The following SMC1A variants were observed in gnomAD, a reference collection of about 807,000 sequenced individuals.
The protein encoded by SMC1A is structural maintenance of chromosomes protein 1A.
A neutral mutation model predicts 94.5 loss-of-function variants in SMC1A; 4 were observed. The observed-to-expected ratio is 0.04, with a 90% CI of 0.02 to 0.10. SMC1A has a LOEUF of 0.10. Ranked by LOEUF, SMC1A falls within the 10% of genes least tolerant of loss-of-function variation. The pLI is 1.00. For synonymous variants in SMC1A, 345 were observed against 347.7 expected (o/e 0.99, Z 0.09); for missense variants, 304 against 989.0 (o/e 0.31, Z 9.29).
intron 15 of SMC1A, among the ~76,000 whole-genome samples, chrX:53,403,132 A>G (rs1055850217): frequency 4.3e-5 from 4 of 93,306 alleles, no homozygotes; most frequent in Admixed American, 1.3e-4. Flanking sequence ...CAAGATTGAC[A>G]CTGCACTCCA....
chrX:53,379,206 G>A lies in SMC1A; in HGVS notation c.*897C>T. The A allele has an allele frequency of 8.8e-6, 1 of 113,739 alleles. No homozygotes were observed. The highest frequency in any genetic ancestry group is 1.9e-5 in the Non-Finnish European group (1 of 53,626). The allele number at this position is 113,739 out of a possible 1,213,427, so 9.4% of individuals were successfully genotyped here. ...CCATTTTACAGATGAGGAAACTGAG[G>A]CACAGAAGGTCAAATGACTTGCCCA... On this transcript the variant is annotated 3_prime_UTR_variant, in exon 25 of 25. Transcript: ENST00000322213.
Position 53,405,482 on chromosome X carries a change from G to A in SMC1A, c.1911+11C>T. The A allele has an allele frequency of 8.3e-7, 1 of 1,211,871 alleles. No individual in the cohort carries two copies. Among genetic ancestry groups the A allele is most frequent in the African/African-American group, 1.7e-5 (1 of 57,876 alleles). On this transcript the variant is annotated intron_variant, in intron 11 of 24. Coordinates refer to ENST00000322213, the MANE Select transcript of SMC1A (RefSeq NM_006306.4). ...CCTGTCCAGCTCCAGCCTGGGCAAG[G>A]GAATCCACACCTTGTGGCGCTGGTG...
chrX:53,381,000 C>T lies in SMC1A; in HGVS notation c.3507+18G>A. On this transcript the variant is annotated intron_variant, in intron 23 of 24. Coordinates refer to ENST00000322213, the MANE Select transcript of SMC1A (RefSeq NM_006306.4). ...ACCTGGGGGCATCCCTCCCAGGCCC[C>T]ACTTTCTTTGCACCCACCTTGCCAA... 1 of 1,196,110 alleles carries T rather than the reference C, an allele frequency of 8.4e-7. No homozygotes were observed. Among genetic ancestry groups the T allele is most frequent in the South Asian group, 1.8e-5 (1 of 56,594 alleles).
chrX:53,411,056 C>T (rs782651944), intron 7 of SMC1A, among the ~76,000 whole-genome samples: 1 of 108,615 alleles, frequency 9.2e-6, no homozygotes, highest in East Asian at 2.9e-4. Flanking sequence ...GGTCGCACCA[C>T]TGCACCTCAG....
At position 53,380,915 on chromosome X, in the gene SMC1A, G is replaced by A; in HGVS notation, c.3507+103C>T. 4 of 753,157 alleles carry A rather than the reference G, an allele frequency of 5.3e-6. No individual in the cohort carries two copies. The Admixed American group carries it at 9.0e-5, about 17-fold the overall frequency. 62.1% of individuals were successfully genotyped at this position (753,157 alleles called of 1,213,427 possible). On this transcript the variant is annotated intron_variant, in intron 23 of 24. Transcript: ENST00000322213. The stretch of plus-strand genomic sequence containing the variant: ...CTGGGCCCAGCCTCCCAGGCACAGA[G>A]AGCAGGCAGCAGGAACGGCTAGGGC...
At chrX:53,385,465 G>A (rs1556886389) in intron 19 of SMC1A, among the ~76,000 whole-genome samples, 3 of 107,644 alleles carry the variant, frequency 2.8e-5, no homozygotes, top group Admixed American at 1.0e-4. Flanking sequence ...TAGTAGAGAC[G>A]GGGTTTCACC....
rs1181698520 is a variant in SMC1A at position 53,385,437 on chromosome X, AT to A, written c.2974-2185del. On this transcript the variant is annotated intron_variant, in intron 19 of 24. Transcript: ENST00000322213. ...AGGAACCCGCCACCATGCCCGGCTA[AT>A]TTTTTTTTTGTATTTTTAGTAGAGA... 3.0e-3 allele frequency among the ~76,000 whole-genome samples: 311 copies of A among 103,795 alleles called. 1 individual carries two copies. The highest frequency in any genetic ancestry group is 0.01 in the African/African-American group (296 of 28,619). 90.1% of individuals were successfully genotyped at this position (103,795 alleles called of 115,157 possible).
intron 7 of SMC1A, 80 bp from the exon 8 acceptor site, chrX:53,409,583 G>T: frequency 1.3e-6 from 1 of 771,483 alleles, no homozygotes; most frequent in Non-Finnish European, 2.0e-6. Context: ...CACCCTTTAT[G>T]TGCCCACTCA....
intron 19 of SMC1A, among the ~76,000 whole-genome samples, chrX:53,391,536 G>A (rs2075629601): frequency 9.1e-6 from 1 of 110,378 alleles, no homozygotes; most frequent in Non-Finnish European, 1.9e-5. Context: ...AAACATTGAA[G>A]TTTCTTTTTT....
At chrX:53,411,645 A>G (rs1488985252) in intron 7 of SMC1A, 116 bp downstream of exon 7, 3 of 946,318 alleles carry the variant, frequency 3.2e-6, no homozygotes, top group Non-Finnish European at 4.5e-6. Flanking sequence ...ACTCTAATCC[A>G]AAATGCTTAG....
At chrX:53,416,302 CAAAA>C (rs781824156) in intron 1 of SMC1A, among the ~76,000 whole-genome samples, 158 of 58,069 alleles carry the variant, frequency 2.7e-3, no homozygotes, top group African/African-American at 9.6e-3. Context: ...GACTCCATCT[CAAAA>C]AAAAAAAATA....
Position 53,404,928 on chromosome X carries a change from A to T in SMC1A, c.2196+84T>A, listed in dbSNP as rs782459989. ...CAGGCTGGGAGGAGACGGGGAAGTG[A>T]AACAAGTTCCCCACCCCCAGAGAAA... On this transcript the variant is annotated intron_variant, in intron 13 of 24. Coordinates refer to ENST00000322213, the MANE Select transcript of SMC1A (RefSeq NM_006306.4). 12 of 1,089,470 alleles carry T rather than the reference A, an allele frequency of 1.1e-5. No homozygotes were observed. The East Asian group carries it at 3.9e-4, about 36-fold the overall frequency. 89.8% of individuals were successfully genotyped at this position (1,089,470 alleles called of 1,213,427 possible).
intron 1 of SMC1A, among the ~76,000 whole-genome samples, chrX:53,419,546 C>G (rs1303323807): frequency 9.3e-6 from 1 of 107,769 alleles, no homozygotes; most frequent in African/African-American, 3.4e-5. Flanking sequence ...AAAAAATAGG[C>G]CAGGCGCGGT....
intron 15 of SMC1A, among the ~76,000 whole-genome samples, chrX:53,402,635 C>T (rs1202772423): frequency 2.9e-5 from 3 of 103,802 alleles, no homozygotes; most frequent in Non-Finnish European, 5.9e-5. Flanking sequence ...GAGGCCAAGG[C>T]GGGTGGATCA....
Position 53,394,924 on chromosome X carries a change from G to A in SMC1A, c.2863-36C>T, listed in dbSNP as rs1556887799. 6 of 850,776 alleles carry A rather than the reference G, an allele frequency of 7.1e-6. No individual in the cohort carries two copies. In the South Asian group the frequency reaches 1.2e-4, roughly 17 times the overall value. The allele number at this position is 850,776 out of a possible 1,213,427, so 70.1% of individuals were successfully genotyped here. ...AACGGAGAGTCAAGTGGAGCAGACT[G>A]GCCATGAGAGTGCACCTCTATAGGG... On this transcript the variant is annotated intron_variant, in intron 18 of 24. Transcript: ENST00000322213.
chrX:53,418,362 T>C (rs1257429208), intron 1 of SMC1A, among the ~76,000 whole-genome samples: 2 of 111,699 alleles, frequency 1.8e-5, no homozygotes, highest in African/African-American at 6.5e-5. Context: ...CTCGAATTCC[T>C]GACCTCAAGT....
rs1556885530 is a variant in SMC1A, at chrX:53,378,724, G to T, written c.*1379C>A. On this transcript the variant is annotated 3_prime_UTR_variant, in exon 25 of 25. Coordinates refer to ENST00000322213, the MANE Select transcript of SMC1A (RefSeq NM_006306.4). Reference sequence around the variant, plus strand: ...TACAGATTGGAATTAAAGTGTGATGGTGTATGTGAATGAGTAAAGGCTGAG... The same window carrying T: ...TACAGATTGGAATTAAAGTGTGATGTTGTATGTGAATGAGTAAAGGCTGAG... The T allele has an allele frequency of 8.9e-6, 1 of 112,618 alleles. No individual in the cohort carries two copies. The highest frequency in any genetic ancestry group is 3.2e-5 in the African/African-American group (1 of 30,970). 9.3% of individuals were successfully genotyped at this position (112,618 alleles called of 1,213,427 possible). A position where few individuals can be genotyped will look rare whatever the true frequency, so the allele number is the denominator to read the frequency against.
chrX:53,393,300 T>C (rs2146591278), intron 19 of SMC1A, among the ~76,000 whole-genome samples: 1 of 110,675 alleles, frequency 9.0e-6, no homozygotes, highest in African/African-American at 3.3e-5. Context: ...AACGACCCAG[T>C]TCCTTCCATA....
chrX:53,383,964 CCTAA>C (rs1255489096), intron 19 of SMC1A, among the ~76,000 whole-genome samples: 2 of 111,804 alleles, frequency 1.8e-5, no homozygotes, highest in African/African-American at 6.5e-5. Flanking sequence ...AAGAAAGACA[CCTAA>C]CTCAGACTCA....
Sources: allele counts gnomAD v4.1 joint callset (sites outside exome capture counted in the v4.1 genomes callset), GRCh38; gene constraint gnomAD v4.1.1; transcripts MANE v1.5; gene names NCBI Gene and HGNC (gene_info 2026-07-23, HGNC 2026-07-21).